Variants in SEC16A observed in about 807,000 individuals in gnomAD.
The protein encoded by SEC16A is SEC16 homolog A, endoplasmic reticulum export factor.
Under a neutral mutation model 221.9 loss-of-function variants are expected in SEC16A, and 110 were observed. The ratio of observed to expected loss-of-function variants is 0.50; its 90% confidence interval spans 0.42 to 0.58. The LOEUF is 0.58. Among genes scored for constraint, SEC16A ranks in the 20% least tolerant of loss-of-function variants. The pLI is 0.00. For missense variants in SEC16A, 3,165 were observed against 3,097.8 expected, an observed-to-expected ratio of 1.02 and a Z score of -0.52; for synonymous variants, 1,393 against 1,257.7, an observed-to-expected ratio of 1.11 and a Z score of -2.28.
upstream of SEC16A, chr9:136,484,286 G>A: frequency 2.1e-6 from 2 of 970,878 alleles, no homozygotes; most frequent in Non-Finnish European, 2.5e-6. Flanking sequence ...GCGACCCAGC[G>A]GAGGGGTGAG....
intron 3 of SEC16A, among the ~76,000 whole-genome samples, chr9:136,473,174 G>A (rs770281236): frequency 2.0e-5 from 3 of 152,362 alleles, no homozygotes; most frequent in South Asian, 2.1e-4. Flanking sequence ...CTTGCTCCTC[G>A]GGGCGGGCCC....
At chr9:136,467,132 A>G in intron 5 of SEC16A, 49 bp from the exon 6 acceptor site, 2 of 1,606,094 alleles carry the variant, frequency 1.2e-6, no homozygotes, top group Non-Finnish European at 1.7e-6. Context: ...AAAAGAAGAA[A>G]TGCCTCAGAT....
chr9:136,484,259 G>T, upstream of SEC16A: 1 of 727,124 alleles, frequency 1.4e-6, no homozygotes, highest in African/African-American at 1.9e-5. Context: ...GTGGGCCCGG[G>T]CGCTCGGGCG....
Position 136,466,585 on chromosome 9 carries a change from C to T in SEC16A, c.3930-123G>A, listed in dbSNP as rs1355230008. The T allele has an allele frequency of 3.4e-6, 3 of 878,742 alleles. No individual in the cohort carries two copies. The highest frequency in any genetic ancestry group is 5.1e-6 in the Non-Finnish European group (3 of 587,032). The allele number at this position is 878,742 out of a possible 1,614,324, so 54.4% of individuals were successfully genotyped here. ...TGGGGCCGAGGCACAACACAGCACA[C>T]CCGACACTCAGGGCCCTCTGACGTG... On this transcript the variant is annotated intron_variant, in intron 6 of 31. Coordinates refer to ENST00000684901, the MANE Select transcript of SEC16A (RefSeq NM_014866.2). The surrounding 1 kb of genome is among the most constrained non-coding windows in gnomAD (Gnocchi z 5.5).
In SEC16A at chr9:136,449,467, C is replaced by T. The variant is rs144163638; in HGVS notation, c.6313-1306G>A. Among the ~76,000 whole-genome samples the T allele has an allele frequency of 7.2e-3, 1,090 of 152,340 alleles. 4 individuals are homozygous for T. The highest frequency in any genetic ancestry group is 0.01 in the Non-Finnish European group (689 of 68,032). Reference sequence around the variant, plus strand: ...GTTTCACCATCTTGGCCACGCTGATCGTGAACTCCTGACCTCATGATCTGC... The same window carrying T: ...GTTTCACCATCTTGGCCACGCTGATTGTGAACTCCTGACCTCATGATCTGC... On this transcript the variant is annotated intron_variant, in intron 23 of 31. Coordinates refer to ENST00000684901, the MANE Select transcript of SEC16A (RefSeq NM_014866.2).
chr9:136,449,506 CCA>C (rs1837489984), intron 23 of SEC16A, among the ~76,000 whole-genome samples: 1 of 152,250 alleles, frequency 6.6e-6, no homozygotes, highest in South Asian at 2.1e-4. Context: ...CCTCAGCATC[CCA>C]GAGTGCTGGG....
In SEC16A at chr9:136,466,095, G is replaced by A. The variant is rs375846646; in HGVS notation, c.4170C>T (p.Tyr1390=). 2.3e-4 allele frequency: 371 copies of A among 1,607,910 alleles called. 1 individual carries two copies. In the African/African-American group the frequency reaches 3.7e-3, roughly 16 times the overall value. Residue 1390 remains tyrosine, a synonymous_variant, in exon 8 of 32, where the codon TAC becomes TAT. Coordinates refer to ENST00000684901, the MANE Select transcript of SEC16A (RefSeq NM_014866.2). This position sits in a 1 kb window ranked among gnomAD's most constrained non-coding sequence, Gnocchi z 5.5. ...YRSHNVAAGS[Y]EAPLPPGSFH... is the part of the protein sequence containing the mutation. ...AGGAGCCTGGAGGAAGCGGGGCCTC[G>A]TAGGAACCGGCAGCCACATTGTGGC...
Position 136,477,266 on chromosome 9 carries a change from G to A in SEC16A, c.350C>T (p.Pro117Leu), listed in dbSNP as rs976840314. The change falls in exon 3 of 32, where the codon CCC (proline) becomes CTC (leucine). Residue 117 changes from proline (P) to leucine (L), a missense_variant. By Grantham distance (98) the Pro-to-Leu change is moderately conservative. Coordinates refer to ENST00000684901, the MANE Select transcript of SEC16A (RefSeq NM_014866.2). Reference sequence around the variant, plus strand: ...AGAAAACGGACTGGCATGTGCTCTGGGCTGTGTCAGAGGTCCAGGCAGGGG... The same window carrying A: ...AGAAAACGGACTGGCATGTGCTCTGAGCTGTGTCAGAGGTCCAGGCAGGGG... ...CEPLPGPLTQPRAHASPFSGA... is the reference protein window; with the variant it reads ...CEPLPGPLTQLRAHASPFSGA... 4.3e-6 allele frequency: 7 copies of A among 1,613,932 alleles called. No homozygotes were observed. In the South Asian group the frequency reaches 7.7e-5, roughly 18 times the overall value.
Position 136,474,564 on chromosome 9 carries a change from C to T in SEC16A, c.3052G>A (p.Ala1018Thr), listed in dbSNP as rs181499163. 11 of 1,612,778 alleles carry T rather than the reference C, an allele frequency of 6.8e-6. No individual in the cohort carries two copies. The highest frequency in any genetic ancestry group is 9.3e-6 in the Non-Finnish European group (11 of 1,179,780). ...VYNPSHSDSL[A>T]SQQSVASHPR... ...TGACTGGCAACACTTTGCTGAGAAGCGAGGCTGTCAGAATGGGACGGGTTG... is the reference window on the plus strand; with the variant it reads ...TGACTGGCAACACTTTGCTGAGAAGTGAGGCTGTCAGAATGGGACGGGTTG... Residue 1018 changes from alanine (A) to threonine (T), a missense_variant, in exon 3 of 32, where the codon GCT (alanine) becomes ACT (threonine). Physicochemically the swap from Ala to Thr is moderately conservative, Grantham distance 58. Around this residue, in one of 3 missense-constraint regions of SEC16A, gnomAD observed 2,030 missense variants for 1,923.1 expected, o/e 1.06. Coordinates refer to ENST00000684901, the MANE Select transcript of SEC16A (RefSeq NM_014866.2).
At position 136,474,681 on chromosome 9, in the gene SEC16A, TA is replaced by T; in HGVS notation, c.2934del (p.Asn979IlefsTer16). 1 of 1,613,776 alleles carries T rather than the reference TA, an allele frequency of 6.2e-7. No individual in the cohort carries two copies. Among genetic ancestry groups the T allele is most frequent in the Non-Finnish European group, 8.5e-7 (1 of 1,179,876 alleles). On this transcript the variant is annotated frameshift_variant, in exon 3 of 32. Coordinates refer to ENST00000684901, the MANE Select transcript of SEC16A (RefSeq NM_014866.2). LOFTEE classifies it high-confidence loss of function. ...PPAHGTLVPD[G>X]NKANHSSHQE... ...TGATGACTGGAATGGTTTGCCTTAT[TA>T]CCATCAGGCACCAGGGTGCCGTGTG...
chr9:136,473,102 C>T (rs554223979), intron 3 of SEC16A, among the ~76,000 whole-genome samples: 3 of 152,360 alleles, frequency 2.0e-5, no homozygotes, highest in African/African-American at 7.2e-5. Context: ...CCATGATGCT[C>T]GAGGCCCATG....
chr9:136,453,589 A>C, intron 21 of SEC16A, 79 bp from the exon 22 acceptor site: 1 of 1,144,054 alleles, frequency 8.7e-7, no homozygotes, highest in South Asian at 1.3e-5. Flanking sequence ...ATCAACAGGC[A>C]CACCACCTTC....
chr9:136,442,517 G>C (rs1836339303), intron 31 of SEC16A, among the ~76,000 whole-genome samples: 1 of 152,220 alleles, frequency 6.6e-6, no homozygotes, highest in Non-Finnish European at 1.5e-5. Context: ...CCCAGACCTT[G>C]GACCCCGCTC....
upstream of SEC16A, chr9:136,484,343 C>G (rs1199942361): frequency 1.7e-6 from 2 of 1,148,864 alleles, no homozygotes; most frequent in Admixed American, 4.2e-5. Context: ...AGGCAGCATC[C>G]ACGCCCTCCC....
chr9:136,468,625 G>C (rs1047474807), intron 4 of SEC16A, 113 bp from the exon 5 acceptor site: 32 of 640,838 alleles, frequency 5.0e-5, no homozygotes, highest in Non-Finnish European at 8.4e-5. Flanking sequence ...CACTTTGGTT[G>C]TACAAAAATT....
intron 1 of SEC16A, among the ~76,000 whole-genome samples, chr9:136,480,075 A>G (rs1442519863): frequency 2.6e-5 from 4 of 152,234 alleles, no homozygotes; most frequent in Non-Finnish European, 2.9e-5. Context: ...CAAAGGCTTC[A>G]TGGAGGTTTT....
At chr9:136,472,675 A>C (rs1162484029) in intron 3 of SEC16A, among the ~76,000 whole-genome samples, 2 of 152,242 alleles carry the variant, frequency 1.3e-5, no homozygotes, top group African/African-American at 4.8e-5. Context: ...TCGTGGCCAC[A>C]GAATTGTTCC....
At chr9:136,442,842 A>G (rs1042386695) in intron 31 of SEC16A, among the ~76,000 whole-genome samples, 3 of 152,272 alleles carry the variant, frequency 2.0e-5, no homozygotes, top group African/African-American at 7.2e-5. Context: ...CGGAGGAGAA[A>G]GGCAGCTCCA....
Position 136,456,221 on chromosome 9 carries a change from G to C in SEC16A, c.5551-55C>G, listed in dbSNP as rs750397780. 98 of 1,356,404 alleles carry C rather than the reference G, an allele frequency of 7.2e-5. 1 individual carries two copies. The highest frequency in any genetic ancestry group is 2.2e-4 in the Admixed American group (12 of 55,170). 84.0% of individuals were successfully genotyped at this position (1,356,404 alleles called of 1,614,324 possible). ...GTCACCACCGGGTGATGGCAAGTGA[G>C]CCGTCTTCAAAATGCCGGGCAATGC... On this transcript the variant is annotated intron_variant, in intron 18 of 31. Coordinates refer to ENST00000684901, the MANE Select transcript of SEC16A (RefSeq NM_014866.2).
Sources: allele counts gnomAD v4.1 joint callset (sites outside exome capture counted in the v4.1 genomes callset), GRCh38; gene constraint gnomAD v4.1.1; regional missense constraint gnomAD v4.1.1; non-coding constraint Gnocchi (gnomAD v3.1); transcripts MANE v1.5; gene names NCBI Gene and HGNC (gene_info 2026-07-23, HGNC 2026-07-21).